The following SCAMP1 variants were observed in gnomAD, a reference collection of about 807,000 sequenced individuals.
SCAMP1 encodes secretory carrier-associated membrane protein 1.
A neutral mutation model predicts 41.8 loss-of-function variants in SCAMP1; 15 were observed. The observed-to-expected ratio is 0.36, with a 90% confidence interval of 0.24 to 0.55. The LOEUF is 0.55. Ranked by LOEUF, SCAMP1 falls within the 20% of genes least tolerant of loss-of-function variation. The probability of loss-of-function intolerance (pLI) is 0.86; values close to 1 mark genes in which losing one functional copy is unlikely to be tolerated. For missense variants in SCAMP1, 341 were observed against 412.6 expected, an observed-to-expected ratio of 0.83 and a Z score of 1.50; for synonymous variants, 135 against 136.8, an observed-to-expected ratio of 0.99 and a Z score of 0.09.
rs182370031 is a variant in SCAMP1, at chr5:78,479,621, T to C, written c.*3953T>C. 4.5e-3 allele frequency among the ~76,000 whole-genome samples: 693 copies of C among 152,346 alleles called. 4 individuals are homozygous for C. Among genetic ancestry groups the C allele is most frequent in the Non-Finnish European group, 6.8e-3 (460 of 68,022 alleles). ...GGTATTGCCACTAACCTGTCTTATA[T>C]AAGCAGATACCTCTTATTTGAAGAT... On this transcript the variant is annotated 3_prime_UTR_variant, in exon 9 of 9. Coordinates refer to ENST00000621999, the MANE Select transcript of SCAMP1 (RefSeq NM_004866.6).
At chr5:78,424,275 T>C (rs1269949734) in intron 6 of SCAMP1, among the ~76,000 whole-genome samples, 1 of 152,234 alleles carries the variant, frequency 6.6e-6, no homozygotes, top group Non-Finnish European at 1.5e-5. Context: ...TATATTGATA[T>C]ATTTACAGGA....
chr5:78,414,866 A>G (rs1223903478), intron 2 of SCAMP1, among the ~76,000 whole-genome samples: 1 of 152,034 alleles, frequency 6.6e-6, no homozygotes, highest in African/African-American at 2.4e-5. Context: ...ACTGGCATGT[A>G]GCTTTCTCAA....
chr5:78,442,272 G>A (rs940676420), intron 6 of SCAMP1, among the ~76,000 whole-genome samples: 1 of 152,116 alleles, frequency 6.6e-6, no homozygotes, highest in Non-Finnish European at 1.5e-5. Context: ...TGAGTTTTTT[G>A]TTTGTTTGTT....
At chr5:78,438,835 T>A (rs931010262) in intron 6 of SCAMP1, among the ~76,000 whole-genome samples, 14 of 152,154 alleles carry the variant, frequency 9.2e-5, no homozygotes, top group South Asian at 2.1e-4. Context: ...CCCATTATTA[T>A]TGTGTGGGAG....
At chr5:78,400,500 A>G (rs925392101) in intron 2 of SCAMP1, among the ~76,000 whole-genome samples, 4 of 152,212 alleles carry the variant, frequency 2.6e-5, no homozygotes, top group Admixed American at 2.0e-4. Context: ...ATCCATGATC[A>G]TGGAATATCT....
Position 78,382,744 on chromosome 5 carries a change from T to C in SCAMP1, c.58-6093T>C, listed in dbSNP as rs1428936249. ...CCAGGTTGCTGCAAATGCCACTATT[T>C]CATTCCTTTTCATGGCTGAGTAGTA... On this transcript the variant is annotated intron_variant, in intron 1 of 8. Coordinates refer to ENST00000621999, the MANE Select transcript of SCAMP1 (RefSeq NM_004866.6). Among the ~76,000 whole-genome samples the C allele has an allele frequency of 2.6e-5, 4 of 151,904 alleles. No individual in the cohort carries two copies. In the East Asian group the frequency reaches 7.8e-4, roughly 29 times the overall value.
At chr5:78,437,218 T>G (rs1481991210) in intron 6 of SCAMP1, among the ~76,000 whole-genome samples, 1 of 152,212 alleles carries the variant, frequency 6.6e-6, no homozygotes, top group Admixed American at 6.5e-5. Flanking sequence ...TTCTCTTGCC[T>G]GATTGCCCTG....
chr5:78,452,161 A>G (rs1034584837), intron 7 of SCAMP1, among the ~76,000 whole-genome samples: 1 of 151,874 alleles, frequency 6.6e-6, no homozygotes, highest in Non-Finnish European at 1.5e-5. Context: ...GATTATATGG[A>G]TGTTGCACAT....
In SCAMP1 at chr5:78,443,125, A is replaced by T. The variant is rs556684395; in HGVS notation, c.633-6808A>T. 2.7e-5 allele frequency among the ~76,000 whole-genome samples: 4 copies of T among 149,976 alleles called. No individual in the cohort carries two copies. In the East Asian group the frequency reaches 8.1e-4, roughly 30 times the overall value. On this transcript the variant is annotated intron_variant, in intron 6 of 8. Transcript: ENST00000621999. ...CTATGCGTGAGGCTGAGGCAGGAGAATGGCATGAACCCTGGAGGCAGAGCT... is the reference window on the plus strand; with the variant it reads ...CTATGCGTGAGGCTGAGGCAGGAGATTGGCATGAACCCTGGAGGCAGAGCT...
Position 78,360,671 on chromosome 5 carries a change from G to C in SCAMP1, c.-1G>C. 1 of 1,609,496 alleles carries C rather than the reference G, an allele frequency of 6.2e-7. No individual in the cohort carries two copies. Among genetic ancestry groups the C allele is most frequent in the Non-Finnish European group, 8.5e-7 (1 of 1,178,154 alleles). On this transcript the variant is annotated 5_prime_UTR_variant, in exon 1 of 9. Coordinates refer to ENST00000621999, the MANE Select transcript of SCAMP1 (RefSeq NM_004866.6). Reference sequence around the variant, plus strand: ...GGTGGGTGACGCCGAGAGCCAGAGAGATGTCGGATTTCGACAGTAACCCGT... The same window carrying C: ...GGTGGGTGACGCCGAGAGCCAGAGACATGTCGGATTTCGACAGTAACCCGT...
chr5:78,436,099 G>T (rs1752746227), intron 6 of SCAMP1, among the ~76,000 whole-genome samples: 3 of 152,100 alleles, frequency 2.0e-5, no homozygotes, highest in Admixed American at 1.3e-4. Flanking sequence ...TTTGTTTTGA[G>T]ACTTTTGTAG....
intron 2 of SCAMP1, among the ~76,000 whole-genome samples, chr5:78,414,868 C>T (rs1752171226): frequency 6.6e-6 from 1 of 152,082 alleles, no homozygotes; most frequent in Non-Finnish European, 1.5e-5. Flanking sequence ...TGGCATGTAG[C>T]TTTCTCAAGA....
intron 1 of SCAMP1, among the ~76,000 whole-genome samples, chr5:78,379,126 T>A (rs868022830): frequency 1.3e-5 from 2 of 152,238 alleles, no homozygotes; most frequent in African/African-American, 2.4e-5. Context: ...AAAGTCCTAG[T>A]TTAATTTTTG....
intron 6 of SCAMP1, among the ~76,000 whole-genome samples, chr5:78,435,682 AC>A: frequency 6.6e-6 from 1 of 152,196 alleles, no homozygotes; most frequent in Non-Finnish European, 1.5e-5. Context: ...GCCGGAGTAA[AC>A]ATACGTGTGC....
chr5:78,450,127 T>A (rs116527093), intron 7 of SCAMP1, 93 bp downstream of exon 7: 5 of 684,060 alleles, frequency 7.3e-6, no homozygotes, highest in Non-Finnish European at 1.2e-5. Context: ...TAAACCAGAT[T>A]AGAAAAATTA....
At chr5:78,459,432 A>G (rs1375288040) in intron 8 of SCAMP1, 70 bp downstream of exon 8, 7 of 799,528 alleles carry the variant, frequency 8.8e-6, no homozygotes, top group Admixed American at 7.3e-5. Context: ...CTATTTTGCT[A>G]TAATTTGGTG....
intron 2 of SCAMP1, among the ~76,000 whole-genome samples, chr5:78,399,664 A>G (rs1005825120): frequency 6.6e-6 from 1 of 152,018 alleles, no homozygotes. Context: ...TTGGTTTGTT[A>G]TTGTTGAATT....
intron 1 of SCAMP1, among the ~76,000 whole-genome samples, chr5:78,382,477 A>G (rs1012920736): frequency 6.6e-6 from 1 of 152,142 alleles, no homozygotes; most frequent in African/African-American, 2.4e-5. Flanking sequence ...TACATGAATA[A>G]GTTTCTCACT....
chr5:78,383,738 C>T (rs940006752), intron 1 of SCAMP1, among the ~76,000 whole-genome samples: 8 of 152,062 alleles, frequency 5.3e-5, no homozygotes, highest in Non-Finnish European at 8.8e-5. Context: ...GATCAGCTGA[C>T]GGTAAGTATT....
Sources: gnomAD v4.1 joint callset for allele counts (sites outside exome capture counted in the v4.1 genomes callset) on GRCh38, gnomAD v4.1.1 for gene constraint, MANE v1.5 for transcripts, NCBI Gene and HGNC (gene_info 2026-07-23, HGNC 2026-07-21) for gene names.